The following RBFOX1 variants were observed in gnomAD, a reference collection of about 807,000 sequenced individuals.
The protein encoded by RBFOX1 is RNA binding protein fox-1 homolog 1.
Under a neutral mutation model 57.7 loss-of-function variants are expected in RBFOX1, and 8 were observed. The observed-to-expected ratio is 0.14, with a 90% CI of 0.08 to 0.25. The LOEUF is 0.25. RBFOX1 is among the 10% of genes least tolerant of loss of function. The pLI is 1.00. For missense variants in RBFOX1, 611 were observed against 548.5 expected (o/e 1.11, Z -1.14); for synonymous variants, 326 against 222.4 (o/e 1.47, Z -4.15).
downstream of RBFOX1, among the ~76,000 whole-genome samples, chr16:5,603,037 C>A (rs2047418695): frequency 2.0e-5 from 3 of 152,100 alleles, no homozygotes; most frequent in African/African-American, 7.2e-5. Flanking sequence ...CTTGCCTGCT[C>A]CAGAATGCAG....
At chr16:7,120,572 T>G (rs780081372) in intron 4 of RBFOX1, among the ~76,000 whole-genome samples, 2 of 151,624 alleles carry the variant, frequency 1.3e-5, no homozygotes, top group Non-Finnish European at 2.9e-5. Flanking sequence ...TTACCAAAAC[T>G]TATTCAAAAC....
intron 3 of RBFOX1, among the ~76,000 whole-genome samples, chr16:5,752,114 C>T (rs993016866): frequency 1.3e-5 from 2 of 152,134 alleles, no homozygotes; most frequent in South Asian, 2.1e-4. Flanking sequence ...AGATCATGTC[C>T]TTTGCAGGAA....
chr16:7,475,882 A>G (rs935369272), intron 4 of RBFOX1, among the ~76,000 whole-genome samples: 5 of 152,262 alleles, frequency 3.3e-5, no homozygotes, highest in Admixed American at 2.6e-4. Flanking sequence ...ACTATGTCCC[A>G]GGAAGTGGGG....
intron 4 of RBFOX1, among the ~76,000 whole-genome samples, chr16:7,267,460 T>C (rs1359372495): frequency 6.6e-6 from 1 of 152,044 alleles, no homozygotes; most frequent in Non-Finnish European, 1.5e-5. Flanking sequence ...CACTTGAACC[T>C]AGTAGGTGGA....
At chr16:6,980,516 T>C (rs557591356) in intron 3 of RBFOX1, among the ~76,000 whole-genome samples, 1 of 152,170 alleles carries the variant, frequency 6.6e-6, no homozygotes, top group Non-Finnish European at 1.5e-5. Context: ...TGGTTATCCA[T>C]GAACAGAAAA....
At chr16:5,894,710 A>C (rs529674861) in intron 4 of RBFOX1, among the ~76,000 whole-genome samples, 1 of 152,320 alleles carries the variant, frequency 6.6e-6, no homozygotes, top group Non-Finnish European at 1.5e-5. Context: ...ATTGCACAGC[A>C]AGAAGAAGAA....
chr16:6,230,698 G>A (rs961719991), intron 1 of RBFOX1, among the ~76,000 whole-genome samples: 3 of 152,202 alleles, frequency 2.0e-5, no homozygotes, highest in African/African-American at 7.2e-5. Context: ...TCATTTGCCT[G>A]ATTGAGCAAA....
At chr16:5,454,858 CTTTCTTT>C (rs1567534798) in intron 1 of RBFOX1, among the ~76,000 whole-genome samples, 9 of 11,516 alleles carry the variant, frequency 7.8e-4, no homozygotes, top group Non-Finnish European at 1.7e-3. Flanking sequence ...TCTTTCTTTT[CTTTCTTT>C]CTTTCTTTCT....
At chr16:6,692,416 C>A (rs1034412221) in intron 3 of RBFOX1, among the ~76,000 whole-genome samples, 3 of 152,126 alleles carry the variant, frequency 2.0e-5, no homozygotes, top group African/African-American at 7.2e-5. Flanking sequence ...TCATTTAAAT[C>A]CATCCTACTC....
chr16:5,980,979 G>A (rs990969311), intron 4 of RBFOX1, among the ~76,000 whole-genome samples: 4 of 152,098 alleles, frequency 2.6e-5, no homozygotes, highest in Admixed American at 6.6e-5. Flanking sequence ...GTCAGAGTGC[G>A]ATCTGCAGAC....
chr16:7,429,678 T>G (rs1384498754), intron 4 of RBFOX1, among the ~76,000 whole-genome samples: 1 of 152,178 alleles, frequency 6.6e-6, no homozygotes, highest in Non-Finnish European at 1.5e-5. Context: ...TCATGGGACA[T>G]GGCAAAGGTA....
chr16:7,340,323 T>G (rs568156181), intron 4 of RBFOX1, among the ~76,000 whole-genome samples: 1 of 152,346 alleles, frequency 6.6e-6, no homozygotes, highest in East Asian at 1.9e-4. Context: ...AGTGGTGGGT[T>G]TCAGATCTTA....
intron 1 of RBFOX1, among the ~76,000 whole-genome samples, chr16:5,405,940 G>A (rs2066853526): frequency 1.3e-5 from 2 of 152,140 alleles, no homozygotes; most frequent in South Asian, 2.1e-4. Flanking sequence ...ACGCTCTGGG[G>A]AAGAGAGAAC....
intron 2 of RBFOX1, among the ~76,000 whole-genome samples, chr16:6,339,208 A>T (rs9939211): frequency 0.43 from 65,438 of 152,082 alleles, 14,839 homozygotes; most frequent in African/African-American, 0.56. Flanking sequence ...CCATCCCAGG[A>T]TTTCCACAAT....
chr16:5,623,654 G>A (rs1166264220), intron 3 of RBFOX1, among the ~76,000 whole-genome samples: 1 of 152,002 alleles, frequency 6.6e-6, no homozygotes, highest in Non-Finnish European at 1.5e-5. Context: ...TCCCCCAGCT[G>A]CTTGTAATGT....
intron 2 of RBFOX1, among the ~76,000 whole-genome samples, chr16:6,372,858 A>G (rs1180435216): frequency 6.7e-6 from 1 of 149,728 alleles, no homozygotes; most frequent in Non-Finnish European, 1.5e-5. Flanking sequence ...GGGTAGGAGT[A>G]CGGTCGGGTG....
chr16:7,548,637 G>A (rs1048361557), intron 5 of RBFOX1, among the ~76,000 whole-genome samples: 1 of 152,206 alleles, frequency 6.6e-6, no homozygotes, highest in Non-Finnish European at 1.5e-5. Flanking sequence ...GCAGGAGCGG[G>A]GGGGCAGTCA....
chr16:5,995,339 A>C (rs754216532), intron 4 of RBFOX1, among the ~76,000 whole-genome samples: 1 of 152,226 alleles, frequency 6.6e-6, no homozygotes, highest in Non-Finnish European at 1.5e-5. Flanking sequence ...AAATACCTGA[A>C]TAGGGCAACT....
chr16:5,492,517 G>A (rs2042867561), intron 2 of RBFOX1, among the ~76,000 whole-genome samples: 1 of 152,190 alleles, frequency 6.6e-6, no homozygotes, highest in South Asian at 2.1e-4. Flanking sequence ...GCTTAGACCT[G>A]AAGATGAAGA....
Sources: gnomAD v4.1 joint callset for allele counts (sites outside exome capture counted in the v4.1 genomes callset) on GRCh38, gnomAD v4.1.1 for gene constraint, MANE v1.5 for transcripts, NCBI Gene and HGNC (gene_info 2026-07-23, HGNC 2026-07-21) for gene names.